The following FYN variants were observed in gnomAD, a reference collection of about 807,000 sequenced individuals.
FYN encodes the protein FYN proto-oncogene, Src family tyrosine kinase.
Under a neutral mutation model 70.2 loss-of-function variants are expected in FYN, and 10 were observed. The observed-to-expected ratio is 0.14, with a 90% CI of 0.09 to 0.24. FYN has a LOEUF of 0.24. Ranked by LOEUF, FYN falls within the 10% of genes least tolerant of loss-of-function variation. The pLI is 1.00. For missense variants in FYN, 319 were observed against 673.1 expected (o/e 0.47, Z 5.82); for synonymous variants, 236 against 248.6 (o/e 0.95, Z 0.48).
At chr6:111,797,665 CATATATATATATATATATATATATAT>C (rs57984132) in intron 2 of FYN, among the ~76,000 whole-genome samples, 11,079 of 91,048 alleles carry the variant, frequency 0.12, 813 homozygotes, top group Middle Eastern at 0.19. Flanking sequence ...ATCAAAGTTT[CATATATATATATATATATATATATAT>C]ATATATATAT....
chr6:111,761,570 A>G (rs1298744636), intron 3 of FYN, among the ~76,000 whole-genome samples: 1 of 152,192 alleles, frequency 6.6e-6, no homozygotes, highest in African/African-American at 2.4e-5. Context: ...TGGTGTGACC[A>G]TAGTTTTATA....
At chr6:111,872,518 CG>C (rs985698282) in intron 1 of FYN, among the ~76,000 whole-genome samples, 3 of 86,528 alleles carry the variant, frequency 3.5e-5, no homozygotes, top group Non-Finnish European at 6.4e-5. Flanking sequence ...GGGAGGAGGC[CG>C]AGAGGTGGAG....
chr6:111,764,216 C>CAAAAAAAA (rs11409465), intron 3 of FYN, among the ~76,000 whole-genome samples: 648 of 58,288 alleles, frequency 0.011, 25 homozygotes, highest in African/African-American at 0.05. Context: ...TTTTGTCAAG[C>CAAAAAAAA]AAAAAAAAAA....
intron 3 of FYN, among the ~76,000 whole-genome samples, chr6:111,771,204 C>T (rs1364487226): frequency 6.6e-6 from 1 of 152,128 alleles, no homozygotes; most frequent in Non-Finnish European, 1.5e-5. Context: ...CAGTCCCTCT[C>T]AGGGACTGAG....
chr6:111,822,641 A>T (rs932842425), intron 2 of FYN, among the ~76,000 whole-genome samples: 9 of 151,310 alleles, frequency 5.9e-5, no homozygotes, highest in South Asian at 4.1e-4. Context: ...TATATATATA[A>T]AATTTAAAAA....
At chr6:111,821,756 A>G (rs1234800941) in intron 2 of FYN, among the ~76,000 whole-genome samples, 1 of 152,222 alleles carries the variant, frequency 6.6e-6, no homozygotes. Flanking sequence ...GCTAATATCC[A>G]GAATCTACAA....
rs865944075 is a variant in FYN, at chr6:111,723,155, A to G, written c.-11-3093T>C. 2.6e-5 allele frequency among the ~76,000 whole-genome samples: 4 copies of G among 152,192 alleles called. No individual in the cohort carries two copies. In the South Asian group the frequency reaches 6.2e-4, roughly 24 times the overall value. On this transcript the variant is annotated intron_variant, in intron 3 of 13. Transcript: ENST00000354650. ...GAAAACAGGATCCTACATTTAACCA[A>G]ACTAAGAAAAAATAATCTTTCAAAA...
At chr6:111,853,419 C>T (rs1773740621) in intron 1 of FYN, among the ~76,000 whole-genome samples, 1 of 151,172 alleles carries the variant, frequency 6.6e-6, no homozygotes, top group African/African-American at 2.4e-5. Context: ...ATACATTGTG[C>T]AACTCTCATG....
At chr6:111,718,775 G>C (rs1385722549) in intron 4 of FYN, among the ~76,000 whole-genome samples, 2 of 152,134 alleles carry the variant, frequency 1.3e-5, no homozygotes, top group African/African-American at 4.8e-5. Context: ...AGGAAAGCTA[G>C]AGTCACCACA....
chr6:111,767,370 G>A (rs1803265572), intron 3 of FYN, among the ~76,000 whole-genome samples: 2 of 152,160 alleles, frequency 1.3e-5, no homozygotes, highest in South Asian at 4.2e-4. Context: ...TGGTATTTTG[G>A]AAGCAATACT....
Position 111,696,258 on chromosome 6 carries a change from A to T in FYN, c.1042+19T>A, listed in dbSNP as rs761115796. 1 of 1,590,602 alleles carries T rather than the reference A, an allele frequency of 6.3e-7. No homozygotes were observed. The highest frequency in any genetic ancestry group is 2.3e-5 in the East Asian group (1 of 43,820). On this transcript the variant is annotated intron_variant, in intron 10 of 13. Transcript: ENST00000354650. Reference sequence around the variant, plus strand: ...CCTTAAGGCACTGTGAGCTGGAGACAGGAGAGGTGTTGCCCAACCTTTGTT... The same window carrying T: ...CCTTAAGGCACTGTGAGCTGGAGACTGGAGAGGTGTTGCCCAACCTTTGTT...
intron 3 of FYN, among the ~76,000 whole-genome samples, chr6:111,747,173 G>C (rs1355462694): frequency 6.6e-6 from 1 of 152,166 alleles, no homozygotes; most frequent in African/African-American, 2.4e-5. Context: ...GCAGTGAAAG[G>C]AAGTGGCTCA....
intron 3 of FYN, among the ~76,000 whole-genome samples, chr6:111,749,383 G>A (rs903740689): frequency 1.3e-5 from 2 of 152,146 alleles, no homozygotes; most frequent in Non-Finnish European, 2.9e-5. Context: ...CTTGCTCTAT[G>A]TACCCCAATG....
intron 1 of FYN, among the ~76,000 whole-genome samples, chr6:111,868,633 C>T (rs189703553): frequency 2.2e-4 from 34 of 152,276 alleles, no homozygotes; most frequent in Admixed American, 1.6e-3. Context: ...TGGCACATAA[C>T]GTATTTTAAT....
chr6:111,768,688 T>C (rs541751261), intron 3 of FYN, among the ~76,000 whole-genome samples: 1 of 152,316 alleles, frequency 6.6e-6, no homozygotes, highest in Non-Finnish European at 1.5e-5. Flanking sequence ...TGCCACTATA[T>C]TTTATATTTC....
At chr6:111,718,145 C>T (rs1446320622) in intron 4 of FYN, among the ~76,000 whole-genome samples, 4 of 152,198 alleles carry the variant, frequency 2.6e-5, no homozygotes, top group African/African-American at 7.2e-5. Flanking sequence ...TGAAGACCAG[C>T]ACCCCACTCT....
At chr6:111,714,943 G>A (rs1239664717) in intron 4 of FYN, among the ~76,000 whole-genome samples, 2 of 152,106 alleles carry the variant, frequency 1.3e-5, no homozygotes, top group African/African-American at 2.4e-5. Context: ...AGAGAAGACC[G>A]TTTCTGTAAT....
At chr6:111,853,954 A>G (rs1474959596) in intron 1 of FYN, among the ~76,000 whole-genome samples, 1 of 152,188 alleles carries the variant, frequency 6.6e-6, no homozygotes, top group Admixed American at 6.5e-5. Context: ...CAGAGTCCAG[A>G]CAAAGGAGGG....
intron 4 of FYN, among the ~76,000 whole-genome samples, chr6:111,719,310 C>CAAAAA (rs770724122): frequency 1.3e-4 from 8 of 60,206 alleles, no homozygotes; most frequent in African/African-American, 5.2e-4. Flanking sequence ...AGGAAACTTC[C>CAAAAA]AAAAAAAAAA....
Sources: gnomAD v4.1 joint callset for allele counts (sites outside exome capture counted in the v4.1 genomes callset) on GRCh38, gnomAD v4.1.1 for gene constraint, MANE v1.5 for transcripts, NCBI Gene and HGNC (gene_info 2026-07-23, HGNC 2026-07-21) for gene names.